RXRA: variants seen among roughly 807,000 people sequenced by gnomAD.
RXRA encodes retinoid X receptor alpha.
Under a neutral mutation model 44.5 loss-of-function variants are expected in RXRA, and 5 were observed. The observed-to-expected ratio is 0.11, with a 90% CI of 0.06 to 0.24. The LOEUF is 0.24. RXRA is among the 10% of genes least tolerant of loss of function. The probability of loss-of-function intolerance (pLI) is 1.00; values close to 1 mark genes in which losing one functional copy is unlikely to be tolerated. For synonymous variants in RXRA, 291 were observed against 271.4 expected, an observed-to-expected ratio of 1.07 and a Z score of -0.71; for missense variants, 412 against 646.5, an observed-to-expected ratio of 0.64 and a Z score of 3.93.
chr9:134,422,112 C>T, intron 6 of RXRA: 2 of 1,340,908 alleles, frequency 1.5e-6, no homozygotes, highest in Non-Finnish European at 2.0e-6. Flanking sequence ...GGACACACTT[C>T]TACCTCCCGG....
chr9:134,382,473 G>A (rs576537209), intron 1 of RXRA, among the ~76,000 whole-genome samples: 2 of 152,272 alleles, frequency 1.3e-5, no homozygotes, highest in Admixed American at 6.5e-5. Flanking sequence ...CCTTGCAGCC[G>A]GTCCTGCGAG....
rs562580433 is a variant in RXRA at position 134,365,903 on chromosome 9, G to A, written c.29-35729G>A. ...GGTTCCTGGGCTGGGATTGGCCGTC[G>A]GGGAGGTGCACACAGACGCTCAGCA... On this transcript the variant is annotated intron_variant, in intron 1 of 9. Transcript: ENST00000481739. The surrounding 1 kb of genome is among the most constrained non-coding windows in gnomAD (Gnocchi z 4.0). 1.3e-5 allele frequency among the ~76,000 whole-genome samples: 2 copies of A among 152,188 alleles called. No individual in the cohort carries two copies. Among genetic ancestry groups the A allele is most frequent in the South Asian group, 4.1e-4 (2 of 4,826 alleles).
chr9:134,367,547 T>G lies in RXRA; in HGVS notation c.29-34085T>G, dbSNP rs148405484. 9.0e-3 allele frequency among the ~76,000 whole-genome samples: 1,368 copies of G among 152,360 alleles called. 9 individuals are homozygous for G. The highest frequency in any genetic ancestry group is 0.015 in the Non-Finnish European group (1,010 of 68,032). On this transcript the variant is annotated intron_variant, in intron 1 of 9. Coordinates refer to ENST00000481739, the MANE Select transcript of RXRA (RefSeq NM_002957.6). The stretch of plus-strand genomic sequence containing the variant: ...GGTTCAGTGGTCGAGGAGCCAGCAC[T>G]TGGAGACAGGATGTGAAACCCCCGG...
intron 1 of RXRA, among the ~76,000 whole-genome samples, chr9:134,339,713 G>A (rs1184653834): frequency 6.7e-6 from 1 of 150,278 alleles, no homozygotes; most frequent in East Asian, 2.0e-4. Context: ...GCCTGTGTGT[G>A]TTTGAGCCTG....
intron 1 of RXRA, 28 bp downstream of exon 1, chr9:134,326,687 C>G (rs1554746077): frequency 3.9e-6 from 3 of 772,204 alleles, no homozygotes; most frequent in Non-Finnish European, 4.7e-6. Context: ...CGGGCGGGGA[C>G]GGGGCCGGGG....
chr9:134,429,485 C>T (rs1588308470), intron 7 of RXRA, among the ~76,000 whole-genome samples: 2 of 152,216 alleles, frequency 1.3e-5, no homozygotes, highest in Admixed American at 6.5e-5. Context: ...TCTTTTTTCA[C>T]GATCCCATGT....
Position 134,343,481 on chromosome 9 carries a change from A to G in RXRA, c.28+16822A>G, listed in dbSNP as rs1387044495. 2.0e-5 allele frequency among the ~76,000 whole-genome samples: 3 copies of G among 152,120 alleles called. No homozygotes were observed. The highest frequency in any genetic ancestry group is 7.2e-5 in the African/African-American group (3 of 41,408). On this transcript the variant is annotated intron_variant, in intron 1 of 9. Coordinates refer to ENST00000481739, the MANE Select transcript of RXRA (RefSeq NM_002957.6). This position sits in a 1 kb window ranked among gnomAD's most constrained non-coding sequence, Gnocchi z 4.1. Reference sequence around the variant, plus strand: ...TAGGGCAAAGGAACGTGAGGAGGGCATGAGTGTTGTATCTCATGGGAAGAA... The same window carrying G: ...TAGGGCAAAGGAACGTGAGGAGGGCGTGAGTGTTGTATCTCATGGGAAGAA...
rs1411165377 is a variant in RXRA, at chr9:134,417,589, T to C, written c.780+262T>C. 6.6e-6 allele frequency among the ~76,000 whole-genome samples: 1 copy of C among 151,818 alleles called. No homozygotes were observed. Among genetic ancestry groups the C allele is most frequent in the Non-Finnish European group, 1.5e-5 (1 of 67,958 alleles). On this transcript the variant is annotated intron_variant, in intron 5 of 9. Coordinates refer to ENST00000481739, the MANE Select transcript of RXRA (RefSeq NM_002957.6). This position sits in a 1 kb window ranked among gnomAD's most constrained non-coding sequence, Gnocchi z 6.1. ...GCCAGGGGCCCGGGGCCTGGGGCCC[T>C]GCGGCCACATCATCATCCTCGGCCA...
chr9:134,380,656 A>G (rs34192449), intron 1 of RXRA, among the ~76,000 whole-genome samples: 98,911 of 151,776 alleles, frequency 0.65, 33,415 homozygotes, highest in Non-Finnish European at 0.75. Context: ...TGGCCCTCCT[A>G]TTGCTGCCCC....
intron 1 of RXRA, 76 bp from the exon 2 acceptor site, chr9:134,401,556 G>T: frequency 6.3e-7 from 1 of 1,599,388 alleles, no homozygotes. Flanking sequence ...TGCATCTGTA[G>T]CTGGGGGGAG....
At chr9:134,411,497 G>A (rs1255531872) in intron 4 of RXRA, among the ~76,000 whole-genome samples, 3 of 152,222 alleles carry the variant, frequency 2.0e-5, no homozygotes, top group Admixed American at 6.5e-5. Flanking sequence ...ATAGAGAGGT[G>A]AGCCGTGGGG....
chr9:134,403,597 T>C (rs1159274229), intron 2 of RXRA: 2 of 152,272 alleles, frequency 1.3e-5, no homozygotes, highest in African/African-American at 2.4e-5. Context: ...CACAGTAGGT[T>C]ACCCCCTGCG....
In RXRA at chr9:134,425,542, A is replaced by G. The variant is rs867045665; in HGVS notation, c.911-3566A>G. The G allele has an allele frequency of 4.1e-4, 115 of 279,208 alleles. No homozygotes were observed. The African/African-American group carries it at 6.8e-3, about 16-fold the overall frequency. The allele number at this position is 279,208 out of a possible 1,614,324, so 17.3% of individuals were successfully genotyped here. On this transcript the variant is annotated intron_variant, in intron 6 of 9. Coordinates refer to ENST00000481739, the MANE Select transcript of RXRA (RefSeq NM_002957.6). ...GCACAGGCACCTCCTGCGTGGCGGC[A>G]GGGTGGGGGGTGGGGGGGGGTGAGG... is the stretch of plus-strand genomic sequence containing the variant.
intron 1 of RXRA, among the ~76,000 whole-genome samples, chr9:134,330,426 G>A (rs1834984578): frequency 6.6e-6 from 1 of 152,200 alleles, no homozygotes; most frequent in African/African-American, 2.4e-5. Context: ...GCTGGCCTGT[G>A]GCTGTTGGGG....
intron 1 of RXRA, among the ~76,000 whole-genome samples, chr9:134,373,355 C>CT (rs1830513755): frequency 6.6e-6 from 1 of 152,136 alleles, no homozygotes; most frequent in Non-Finnish European, 1.5e-5. Context: ...GCCCGACTGT[C>CT]TTTAACAGCT....
At chr9:134,401,951 C>T (rs190332359) in intron 2 of RXRA, 69 bp downstream of exon 2, 75 of 1,290,702 alleles carry the variant, frequency 5.8e-5, no homozygotes, top group Admixed American at 3.4e-4. Flanking sequence ...AACTGCAGGA[C>T]GACCGCCTCA....
intron 1 of RXRA, among the ~76,000 whole-genome samples, chr9:134,382,484 A>T (rs1278572422): frequency 2.6e-5 from 4 of 152,116 alleles, no homozygotes; most frequent in Non-Finnish European, 4.4e-5. Context: ...GTCCTGCGAG[A>T]AAGCCCCTGG....
chr9:134,369,093 ATG>A (rs200859751), intron 1 of RXRA, among the ~76,000 whole-genome samples: 4 of 26,032 alleles, frequency 1.5e-4, no homozygotes, highest in African/African-American at 3.3e-4. Context: ...TGGGGTGGTT[ATG>A]TGTGTGTGTG....
In RXRA at chr9:134,436,621, G is replaced by C. The variant is rs759439845; in HGVS notation, c.*7G>C. 1.2e-6 allele frequency: 2 copies of C among 1,613,706 alleles called. No homozygotes were observed. The highest frequency in any genetic ancestry group is 1.7e-5 in the Admixed American group (1 of 60,016). ...GCCGCACCAAATGACTTAGGCCTGC[G>C]GGCCCATCCTTTGTGCCCACCCGTT... is the stretch of plus-strand genomic sequence containing the variant. On this transcript the variant is annotated 3_prime_UTR_variant, in exon 10 of 10. Coordinates refer to ENST00000481739, the MANE Select transcript of RXRA (RefSeq NM_002957.6).
Sources: allele counts gnomAD v4.1 joint callset (sites outside exome capture counted in the v4.1 genomes callset), GRCh38; gene constraint gnomAD v4.1.1; non-coding constraint Gnocchi (gnomAD v3.1); transcripts MANE v1.5; gene names NCBI Gene and HGNC (gene_info 2026-07-23, HGNC 2026-07-21).